The following ADCY7 variants were observed in gnomAD, a reference collection of about 807,000 sequenced individuals.
The protein encoded by ADCY7 is adenylate cyclase 7.
Under a neutral mutation model 120.6 loss-of-function variants are expected in ADCY7, and 72 were observed. The ratio of observed to expected loss-of-function variants is 0.60; its 90% CI spans 0.49 to 0.73. ADCY7 has a LOEUF of 0.73. Ranked by LOEUF, ADCY7 falls within the 30% of genes least tolerant of loss-of-function variation. The pLI, the probability that ADCY7 is intolerant of heterozygous loss-of-function variation, is 0.00. For missense variants in ADCY7, 1,227 were observed against 1,486.0 expected, an observed-to-expected ratio of 0.83 and a Z score of 2.87; for synonymous variants, 661 against 628.0, an observed-to-expected ratio of 1.05 and a Z score of -0.78.
At chr16:50,308,580 C>T (rs549916503) in intron 16 of ADCY7, 87 bp from the exon 17 acceptor site, 45 of 1,553,896 alleles carry the variant, frequency 2.9e-5, no homozygotes, top group Admixed American at 2.2e-4. Context: ...AGGCTTCTCC[C>T]GAGGATACCC....
intron 1 of ADCY7, among the ~76,000 whole-genome samples, chr16:50,251,949 G>T (rs1266715916): frequency 6.6e-6 from 1 of 152,220 alleles, no homozygotes; most frequent in Non-Finnish European, 1.5e-5. Flanking sequence ...AATGGCTGGG[G>T]GCTTCAGGCG....
chr16:50,309,165 C>T (rs2036280057), intron 17 of ADCY7: 1 of 313,834 alleles, frequency 3.2e-6, no homozygotes, highest in Non-Finnish European at 5.9e-6. Context: ...GGACACTTGT[C>T]CACCTCTCTC....
At chr16:50,258,547 C>A (rs575609135) in intron 1 of ADCY7, among the ~76,000 whole-genome samples, 45 of 150,686 alleles carry the variant, frequency 3.0e-4, no homozygotes, top group African/African-American at 1.0e-3. Context: ...TGGTGAATTT[C>A]CTTTTGTAAT....
At position 50,247,539 on chromosome 16, in the gene ADCY7, ATT is replaced by A. The variant is rs5816683; in HGVS notation, c.-64+1355_-64+1356del. On this transcript the variant is annotated intron_variant, in intron 1 of 4. Coordinates refer to the ADCY7 transcript ENST00000564044. The stretch of plus-strand genomic sequence containing the variant: ...GCCACCACGCCTGGCTAATTTAGTA[ATT>A]TTTTTTTTTTTTTTTTTTGGTGGAC... Among the ~76,000 whole-genome samples the A allele has an allele frequency of 9.0e-3, 1,002 of 111,332 alleles. 10 individuals carry two copies. The highest frequency in any genetic ancestry group is 0.024 in the South Asian group (78 of 3,236). 73.0% of individuals were successfully genotyped at this position (111,332 alleles called of 152,430 possible).
rs367574766 is a variant in ADCY7, at chr16:50,309,585, G to C, written c.2099G>C (p.Gly700Ala). 5.0e-6 allele frequency: 8 copies of C among 1,613,760 alleles called. No homozygotes were observed. In the East Asian group the frequency reaches 1.6e-4, roughly 31 times the overall value. ...TTCCAAGTTCCAGAGCTGCCTGTTG[G>C]CAATGAGACAGGCCTACTGGCCGCG... is the stretch of plus-strand genomic sequence containing the variant. ...MPFQVPELPVGNETGLLAASS... is the reference protein window; with the variant it reads ...MPFQVPELPVANETGLLAASS... Residue 700 changes from glycine (G) to alanine (A), a missense_variant, in exon 18 of 26, where the codon GGC becomes GCC. Physicochemically the swap from Gly to Ala is moderately conservative, Grantham distance 60 (BLOSUM62 0). This residue lies in a region of ADCY7 where 267 missense variants were observed against 270.0 expected (regional missense o/e 0.99). Coordinates refer to ENST00000673801, the MANE Select transcript of ADCY7 (RefSeq NM_001114.5).
In ADCY7 at chr16:50,315,577, TCC is replaced by T. The variant is rs2036765235; in HGVS notation, c.*73_*74del. The T allele has an allele frequency of 1.3e-6, 2 of 1,559,998 alleles. No homozygotes were observed. Among genetic ancestry groups the T allele is most frequent in the African/African-American group, 2.8e-5 (2 of 70,664 alleles). ...CTGAAGCAAGCCCAGGAGAAGACTC[TCC>T]GCCCCACGCCAATCCCAAAGGCATG... On this transcript the variant is annotated 3_prime_UTR_variant, in exon 26 of 26. Transcript: ENST00000673801.
At chr16:50,300,995 G>T in intron 9 of ADCY7, 87 bp from the exon 10 acceptor site, 1 of 1,553,914 alleles carries the variant, frequency 6.4e-7, no homozygotes, top group South Asian at 1.2e-5. Context: ...AGCTGGCCTG[G>T]GGCCCAGGCC....
At chr16:50,256,533 T>C (rs1314924111) in intron 1 of ADCY7, among the ~76,000 whole-genome samples, 6 of 151,906 alleles carry the variant, frequency 3.9e-5, no homozygotes, top group Non-Finnish European at 7.4e-5. Context: ...GGAGAACCCA[T>C]CTCTACAAAA....
chr16:50,250,118 A>T (rs1027700722), intron 1 of ADCY7, among the ~76,000 whole-genome samples: 2 of 152,170 alleles, frequency 1.3e-5, no homozygotes, highest in Non-Finnish European at 2.9e-5. Context: ...CTCAAAGGCC[A>T]AGGATTTAAC....
chr16:50,257,570 T>C (rs1244448256), intron 1 of ADCY7, among the ~76,000 whole-genome samples: 2 of 152,088 alleles, frequency 1.3e-5, no homozygotes, highest in African/African-American at 2.4e-5. Flanking sequence ...CATAAATATA[T>C]ACAATTATAA....
chr16:50,309,435 G>A (rs2036300136), intron 17 of ADCY7, 113 bp from the exon 18 acceptor site: 9 of 835,266 alleles, frequency 1.1e-5, no homozygotes, highest in East Asian at 5.3e-5. Context: ...TGATCCCAAC[G>A]TGAAACCTCA....
rs1282181778 is a variant in ADCY7 at position 50,317,760 on chromosome 16, TGACA to T, written c.*2260_*2263del. The T allele has an allele frequency of 6.6e-6, 1 of 152,394 alleles. No individual in the cohort carries two copies. The highest frequency in any genetic ancestry group is 2.4e-5 in the African/African-American group (1 of 41,472). The allele number at this position is 152,394 out of a possible 1,614,324, so 9.4% of individuals were successfully genotyped here. On this transcript the variant is annotated 3_prime_UTR_variant, in exon 26 of 26. Transcript: ENST00000673801. The stretch of plus-strand genomic sequence containing the variant: ...TAATTACTGGTGTCATTTTGTTTTA[TGACA>T]GACACACGTATCTAACAAACAAACA...
chr16:50,296,361 AT>A (rs34381393), intron 7 of ADCY7, among the ~76,000 whole-genome samples: 74 of 139,536 alleles, frequency 5.3e-4, no homozygotes, highest in East Asian at 1.2e-3. Flanking sequence ...CCCCATCAGA[AT>A]TTTTTTTTTT....
chr16:50,273,847 G>T (rs952172595), intron 1 of ADCY7, among the ~76,000 whole-genome samples: 2 of 152,178 alleles, frequency 1.3e-5, no homozygotes, highest in Admixed American at 6.5e-5. Context: ...ACCAGGCAGG[G>T]TTAGATCCTG....
chr16:50,288,408 A>G (rs1236158174), intron 2 of ADCY7, 58 bp downstream of exon 2: 4 of 1,442,316 alleles, frequency 2.8e-6, no homozygotes, highest in African/African-American at 1.4e-5. Context: ...CCAAGCTGCT[A>G]TCTTCTCTTA....
At chr16:50,283,375 T>C (rs745452987) in intron 1 of ADCY7, among the ~76,000 whole-genome samples, 5 of 152,212 alleles carry the variant, frequency 3.3e-5, no homozygotes, top group Non-Finnish European at 5.9e-5. Context: ...GGCTCTCTCC[T>C]TGTGGTGGCT....
intron 4 of ADCY7, 21 bp from the exon 5 acceptor site, chr16:50,292,655 C>T (rs2035064568): frequency 1.9e-6 from 3 of 1,612,094 alleles, no homozygotes; most frequent in Non-Finnish European, 2.5e-6. Flanking sequence ...CATAATGAGC[C>T]AAACCCCTGT....
intron 1 of ADCY7, among the ~76,000 whole-genome samples, chr16:50,281,635 C>T (rs887514586): frequency 2.6e-5 from 4 of 152,174 alleles, no homozygotes; most frequent in East Asian, 1.9e-4. Flanking sequence ...AGTCAGGGGC[C>T]GGGATATTGG....
At chr16:50,272,702 C>T (rs1255852401) in intron 1 of ADCY7, among the ~76,000 whole-genome samples, 2 of 152,108 alleles carry the variant, frequency 1.3e-5, no homozygotes, top group African/African-American at 2.4e-5. Context: ...GTCTGGGTCT[C>T]CCTCCTCCTG....
Sources: gnomAD v4.1 joint callset for allele counts (sites outside exome capture counted in the v4.1 genomes callset) on GRCh38, gnomAD v4.1.1 for gene constraint, gnomAD v4.1.1 regional missense constraint, MANE v1.5 for transcripts, NCBI Gene and HGNC (gene_info 2026-07-23, HGNC 2026-07-21) for gene names.